The following LGSN variants were observed in gnomAD, a reference collection of about 807,000 sequenced individuals.
LGSN encodes lengsin, lens protein with glutamine synthetase domain, also known as lengsin.
A neutral mutation model predicts 19.5 loss-of-function variants in LGSN; 21 were observed. The observed-to-expected ratio is 1.07, with a 90% CI of 0.76 to 1.55. LGSN has a LOEUF of 1.55. Among genes scored for constraint, LGSN ranks in the 40% most tolerant of loss-of-function variants. LGSN has a pLI of 0.00. For missense variants in LGSN, 673 were observed against 608.5 expected, an observed-to-expected ratio of 1.11 and a Z score of -1.12; for synonymous variants, 257 against 215.6, an observed-to-expected ratio of 1.19 and a Z score of -1.68.
the LGSN span, among the ~76,000 whole-genome samples, chr6:63,520,630 C>CAAAT: frequency 0.14 from 18,944 of 138,884 alleles, 1,318 homozygotes; most frequent in South Asian, 0.2. Flanking sequence ...GACTCTGTCT[C>CAAAT]AAATAAATAA....
At chr6:63,520,588 G>A in the LGSN span, among the ~76,000 whole-genome samples, 1 of 151,598 alleles carries the variant, frequency 6.6e-6, no homozygotes, top group Admixed American at 6.6e-5. Context: ...CCAAGATCAT[G>A]CCACTTCACT....
At chr6:63,454,171 A>G in the LGSN span, among the ~76,000 whole-genome samples, 2 of 152,238 alleles carry the variant, frequency 1.3e-5, no homozygotes, top group South Asian at 2.1e-4. Flanking sequence ...TTTACCATCT[A>G]ATGTAAATTA....
chr6:63,360,044 A>T, the LGSN span, among the ~76,000 whole-genome samples: 1 of 152,118 alleles, frequency 6.6e-6, no homozygotes, highest in South Asian at 2.1e-4. Flanking sequence ...TGTTAGTCTG[A>T]CGGGCTTCCC....
the LGSN span, among the ~76,000 whole-genome samples, chr6:63,329,523 G>C: frequency 3.3e-5 from 5 of 152,196 alleles, no homozygotes; most frequent in Admixed American, 6.5e-5. Context: ...ACTAAGCCTT[G>C]AGCCTTCAAA....
chr6:63,390,118 C>CTTTTTTTTTT, the LGSN span, among the ~76,000 whole-genome samples: 113 of 66,320 alleles, frequency 1.7e-3, 6 homozygotes, highest in African/African-American at 2.5e-3. Context: ...TTCTTTCTTT[C>CTTTTTTTTTT]TTTTTTTTTT....
chr6:63,333,823 A>T, the LGSN span, among the ~76,000 whole-genome samples: 1 of 152,234 alleles, frequency 6.6e-6, no homozygotes, highest in Admixed American at 6.5e-5. Flanking sequence ...ATGGTTCAAC[A>T]TAGGCATATC....
At chr6:63,326,900 C>T in the LGSN span, among the ~76,000 whole-genome samples, 1 of 152,218 alleles carries the variant, frequency 6.6e-6, no homozygotes, top group Non-Finnish European at 1.5e-5. Context: ...AAGGGGCTCC[C>T]ATAGTGCAGC....
the LGSN span, among the ~76,000 whole-genome samples, chr6:63,358,161 C>A: frequency 6.6e-6 from 1 of 152,308 alleles, no homozygotes; most frequent in East Asian, 1.9e-4. Context: ...GGCATTATTT[C>A]TGAGGGCTCT....
the LGSN span, among the ~76,000 whole-genome samples, chr6:63,561,951 G>C: frequency 6.6e-6 from 1 of 152,020 alleles, no homozygotes; most frequent in East Asian, 1.9e-4. Flanking sequence ...CAACCTCTTT[G>C]AGCATTTATC....
At chr6:63,385,846 A>G in the LGSN span, among the ~76,000 whole-genome samples, 1 of 152,166 alleles carries the variant, frequency 6.6e-6, no homozygotes, top group Non-Finnish European at 1.5e-5. Context: ...AACCCAATAC[A>G]TATATCTGTG....
the LGSN span, among the ~76,000 whole-genome samples, chr6:63,512,170 C>T: frequency 1.3e-5 from 2 of 151,144 alleles, no homozygotes; most frequent in Admixed American, 6.6e-5. Context: ...GCAACCTCTG[C>T]CTCCTGGGTT....
the LGSN span, among the ~76,000 whole-genome samples, chr6:63,409,219 T>C: frequency 6.6e-6 from 1 of 152,216 alleles, no homozygotes; most frequent in Non-Finnish European, 1.5e-5. Flanking sequence ...GCCAAAAATA[T>C]TTTTTGTAAT....
At chr6:63,362,574 C>T in the LGSN span, among the ~76,000 whole-genome samples, 1 of 152,190 alleles carries the variant, frequency 6.6e-6, no homozygotes, top group African/African-American at 2.4e-5. Context: ...CAGAGGGTCT[C>T]ACACCCACAG....
the LGSN span, among the ~76,000 whole-genome samples, chr6:63,326,436 G>A: frequency 2.7e-4 from 41 of 152,330 alleles, no homozygotes; most frequent in South Asian, 1.9e-3. Flanking sequence ...TGCCAGTCCC[G>A]TGCCATGCAC....
At chr6:63,332,616 C>T in the LGSN span, among the ~76,000 whole-genome samples, 1 of 152,184 alleles carries the variant, frequency 6.6e-6, no homozygotes, top group Admixed American at 6.5e-5. Flanking sequence ...GCCTGACACC[C>T]ATGTCTTTAG....
chr6:63,336,100 G>A, the LGSN span, among the ~76,000 whole-genome samples: 44 of 152,256 alleles, frequency 2.9e-4, 1 homozygote, highest in African/African-American at 1.0e-3. Flanking sequence ...AGAGAAGTGG[G>A]TTAATGGATA....
chr6:63,537,272 A>T, the LGSN span, among the ~76,000 whole-genome samples: 1 of 152,190 alleles, frequency 6.6e-6, no homozygotes, highest in Non-Finnish European at 1.5e-5. Context: ...GTTAGAATGC[A>T]AATCATCAGG....
chr6:63,492,520 G>A, the LGSN span, among the ~76,000 whole-genome samples: 1 of 152,206 alleles, frequency 6.6e-6, no homozygotes, highest in Non-Finnish European at 1.5e-5. Context: ...TCAAGGCAGA[G>A]TTCTGACTGG....
the LGSN span, among the ~76,000 whole-genome samples, chr6:63,496,230 G>A: frequency 3.3e-5 from 5 of 152,176 alleles, no homozygotes; most frequent in African/African-American, 1.2e-4. Flanking sequence ...CAGCCCTCTT[G>A]TGTTAATTTA....
Sources: allele counts gnomAD v4.1 joint callset (sites outside exome capture counted in the v4.1 genomes callset), GRCh38; gene constraint gnomAD v4.1.1; transcripts MANE v1.5; gene names NCBI Gene and HGNC (gene_info 2026-07-23, HGNC 2026-07-21).